Variants in ELOVL5 observed in about 807,000 individuals in gnomAD.
The protein encoded by ELOVL5 is ELOVL fatty acid elongase 5.
Under a neutral mutation model 38.6 loss-of-function variants are expected in ELOVL5, and 8 were observed. The ratio of observed to expected loss-of-function variants is 0.21; its 90% CI spans 0.12 to 0.37. The LOEUF (loss-of-function observed/expected upper bound fraction) is 0.37. ELOVL5 is among the 10% of genes least tolerant of loss of function. The pLI is 1.00. For synonymous variants in ELOVL5, 127 were observed against 133.7 expected, an observed-to-expected ratio of 0.95 and a Z score of 0.34; for missense variants, 280 against 367.8, an observed-to-expected ratio of 0.76 and a Z score of 1.95.
intron 1 of ELOVL5, among the ~76,000 whole-genome samples, chr6:53,344,277 G>C (rs1317843941): frequency 1.3e-5 from 2 of 152,178 alleles, no homozygotes; most frequent in East Asian, 3.9e-4. Context: ...CCTCTTGCTG[G>C]CCCTCAAATC....
intron 1 of ELOVL5, among the ~76,000 whole-genome samples, chr6:53,299,914 G>A (rs1767177414): frequency 6.6e-6 from 1 of 152,158 alleles, no homozygotes; most frequent in East Asian, 1.9e-4. Context: ...TATATTGAAA[G>A]AGCCAACAAA....
At chr6:53,326,095 G>A (rs966111950) in intron 1 of ELOVL5, among the ~76,000 whole-genome samples, 7 of 152,160 alleles carry the variant, frequency 4.6e-5, no homozygotes, top group Non-Finnish European at 7.3e-5. Flanking sequence ...ATAGAGGTGT[G>A]AAAGGACACA....
At chr6:53,310,958 A>G (rs1341830783) in intron 1 of ELOVL5, among the ~76,000 whole-genome samples, 1 of 152,214 alleles carries the variant, frequency 6.6e-6, no homozygotes, top group East Asian at 1.9e-4. Context: ...TTTTCAGCTT[A>G]AAGGATTCTG....
At chr6:53,287,556 GA>G (rs1433987059) in intron 3 of ELOVL5, among the ~76,000 whole-genome samples, 1 of 151,706 alleles carries the variant, frequency 6.6e-6, no homozygotes, top group Admixed American at 6.6e-5. Flanking sequence ...GAGGCTGGGA[GA>G]AAAAAAAATT....
intron 1 of ELOVL5, among the ~76,000 whole-genome samples, chr6:53,329,680 C>T (rs779102349): frequency 2.6e-5 from 4 of 152,128 alleles, no homozygotes; most frequent in Admixed American, 6.5e-5. Flanking sequence ...AAAAATTAGC[C>T]GGGCATGGTA....
intron 3 of ELOVL5, among the ~76,000 whole-genome samples, chr6:53,279,328 C>A (rs539007823): frequency 1.7e-4 from 26 of 152,328 alleles, no homozygotes; most frequent in African/African-American, 5.8e-4. Flanking sequence ...ATCTATCCTT[C>A]AAAGTTCAGT....
rs199577202 is a variant in ELOVL5 at position 53,291,899 on chromosome 6, T to C, written c.123A>G (p.Ile41Met). The C allele has an allele frequency of 7.8e-5, 126 of 1,612,528 alleles. No homozygotes were observed. The highest frequency in any genetic ancestry group is 3.2e-4 in the Admixed American group (19 of 59,978). ...GTCCCAGCCATACAATTAGTAAATA[T>C]ATGACAGAGCAGATAAATGTGGGTA... ...NYIPTFICSV[I>M]YLLIVWLGPK... The change falls in exon 3 of 8, where the codon ATA becomes ATG. Residue 41 changes from isoleucine (I) to methionine (M), a missense_variant. Physicochemically the swap from Ile to Met is conservative, Grantham distance 10. Coordinates refer to ENST00000304434, the MANE Select transcript of ELOVL5 (RefSeq NM_021814.5).
intron 3 of ELOVL5, among the ~76,000 whole-genome samples, chr6:53,283,908 T>C (rs1190345555): frequency 2.6e-5 from 4 of 151,690 alleles, no homozygotes; most frequent in Non-Finnish European, 5.9e-5. Context: ...AAAGAACTAC[T>C]TACGAAAAAA....
intron 1 of ELOVL5, among the ~76,000 whole-genome samples, chr6:53,338,209 G>A (rs209511): frequency 0.9 from 136,538 of 152,194 alleles, 61,493 homozygotes; most frequent in East Asian, 0.95. Context: ...AATTTAATAC[G>A]CCAGTCCCAT....
chr6:53,271,655 G>T (rs1293336839), intron 6 of ELOVL5, among the ~76,000 whole-genome samples: 2 of 152,132 alleles, frequency 1.3e-5, no homozygotes, highest in Non-Finnish European at 2.9e-5. Context: ...TTGAGACAGG[G>T]TCTATGTTGC....
intron 1 of ELOVL5, among the ~76,000 whole-genome samples, chr6:53,348,211 C>T (rs1769656263): frequency 6.6e-6 from 1 of 152,198 alleles, no homozygotes. Context: ...CCCGAGCTAG[C>T]AGGCTTCCCT....
intron 3 of ELOVL5, among the ~76,000 whole-genome samples, chr6:53,283,224 G>A (rs573812609): frequency 1.2e-4 from 18 of 152,284 alleles, no homozygotes; most frequent in African/African-American, 3.6e-4. Flanking sequence ...CCTATAATGC[G>A]AGGGAGGTCC....
At chr6:53,348,647 C>T (rs1242030517) in intron 1 of ELOVL5, among the ~76,000 whole-genome samples, 170 bp downstream of exon 1, 1 of 152,214 alleles carries the variant, frequency 6.6e-6, no homozygotes, top group Non-Finnish European at 1.5e-5. Flanking sequence ...CCGGAGCCGG[C>T]GGAGCTGGAG....
intron 1 of ELOVL5, among the ~76,000 whole-genome samples, chr6:53,331,952 G>T (rs775055264): frequency 3.3e-5 from 5 of 152,300 alleles, no homozygotes; most frequent in Admixed American, 1.3e-4. Context: ...GAAAGGTGAA[G>T]GGGGACCAAG....
chr6:53,336,417 T>G (rs912639678), intron 1 of ELOVL5, among the ~76,000 whole-genome samples: 1 of 152,210 alleles, frequency 6.6e-6, no homozygotes, highest in African/African-American at 2.4e-5. Flanking sequence ...CTCAGGATTT[T>G]GGGAGGCTGA....
Position 53,288,047 on chromosome 6 carries a change from T to G in ELOVL5, c.246+3729A>C, listed in dbSNP as rs3817960. ...AATGGCTTCACATGAGGACAGAGCA[T>G]CTGCCTAAGAGGGAAACCACCTGTA... On this transcript the variant is annotated intron_variant, in intron 3 of 7. Coordinates refer to ENST00000304434, the MANE Select transcript of ELOVL5 (RefSeq NM_021814.5). 309,182 of 975,972 alleles carry G rather than the reference T, an allele frequency of 0.32. 52,863 individuals are homozygous for G. Among genetic ancestry groups the G allele is most frequent in the African/African-American group, 0.55 (34,359 of 61,994 alleles). The allele number at this position is 975,972 out of a possible 1,614,324, so 60.5% of individuals were successfully genotyped here.
intron 1 of ELOVL5, chr6:53,337,122 AAT>A (rs1769107849): frequency 6.6e-6 from 1 of 152,276 alleles, no homozygotes. Flanking sequence ...GGACAGCATA[AAT>A]CTGAACCACA....
At chr6:53,301,491 G>A (rs1376877838) in intron 1 of ELOVL5, among the ~76,000 whole-genome samples, 1 of 152,148 alleles carries the variant, frequency 6.6e-6, no homozygotes, top group Non-Finnish European at 1.5e-5. Flanking sequence ...GCACTTCCCA[G>A]GAAAAAGACC....
At chr6:53,287,713 G>A in intron 3 of ELOVL5, 1 of 663,102 alleles carries the variant, frequency 1.5e-6, no homozygotes, top group Admixed American at 2.5e-5. Flanking sequence ...GAATGAAAGA[G>A]CCTGGTGTTG....
Sources: allele counts gnomAD v4.1 joint callset (sites outside exome capture counted in the v4.1 genomes callset), GRCh38; gene constraint gnomAD v4.1.1; transcripts MANE v1.5; gene names NCBI Gene and HGNC (gene_info 2026-07-23, HGNC 2026-07-21).